The following SLC24A2 variants were observed in gnomAD, a reference collection of about 807,000 sequenced individuals.
SLC24A2 encodes the protein sodium/potassium/calcium exchanger 2.
Under a neutral mutation model 62.0 loss-of-function variants are expected in SLC24A2, and 36 were observed. That is an observed-to-expected ratio of 0.58 (90% CI 0.44 to 0.77). The LOEUF (loss-of-function observed/expected upper bound fraction) is 0.77, where lower values mean the gene tolerates loss of function less well. SLC24A2 is among the 30% of genes least tolerant of loss of function. The probability of loss-of-function intolerance (pLI) is 0.00; values close to 1 mark genes in which losing one functional copy is unlikely to be tolerated. For synonymous variants in SLC24A2, 358 were observed against 294.0 expected (o/e 1.22, Z -2.23); for missense variants, 846 against 817.9 (o/e 1.03, Z -0.42).
chr9:19,741,787 T>C (rs949610027), intron 2 of SLC24A2, among the ~76,000 whole-genome samples: 1 of 152,330 alleles, frequency 6.6e-6, no homozygotes, highest in African/African-American at 2.4e-5. Context: ...TTGTTGATTA[T>C]TTTCTCTTAT....
At chr9:19,783,487 C>G (rs757277321) in intron 2 of SLC24A2, among the ~76,000 whole-genome samples, 2 of 152,108 alleles carry the variant, frequency 1.3e-5, no homozygotes, top group Non-Finnish European at 2.9e-5. Context: ...GAAAGGTAAG[C>G]TACACAGTCA....
At chr9:20,103,219 C>A in the SLC24A2 span, among the ~76,000 whole-genome samples, 11 of 152,204 alleles carry the variant, frequency 7.2e-5, no homozygotes, top group African/African-American at 2.7e-4. Flanking sequence ...TGGAGCCCAC[C>A]ACAGCTCAAG....
the SLC24A2 span, among the ~76,000 whole-genome samples, chr9:20,251,406 A>C: frequency 2.0e-3 from 310 of 152,304 alleles, 2 homozygotes; most frequent in African/African-American, 7.1e-3. Flanking sequence ...AGCTATGCTA[A>C]CACCAAGGAA....
At chr9:19,579,671 G>A (rs1015084802) in intron 5 of SLC24A2, among the ~76,000 whole-genome samples, 8 of 152,158 alleles carry the variant, frequency 5.3e-5, no homozygotes, top group African/African-American at 1.9e-4. Flanking sequence ...GCAACAAATA[G>A]GTCTGTGGAA....
chr9:19,544,711 A>G (rs1834461400), intron 8 of SLC24A2, among the ~76,000 whole-genome samples: 1 of 152,128 alleles, frequency 6.6e-6, no homozygotes, highest in African/African-American at 2.4e-5. Flanking sequence ...CTGGATATGA[A>G]ATTCTGGGTT....
intron 5 of SLC24A2, among the ~76,000 whole-genome samples, chr9:19,584,910 A>T (rs1015104119): frequency 6.6e-6 from 1 of 152,182 alleles, no homozygotes; most frequent in East Asian, 1.9e-4. Context: ...TCTGTAATAA[A>T]GTATTTTGTA....
chr9:20,297,423 A>C, the SLC24A2 span, among the ~76,000 whole-genome samples: 3 of 152,338 alleles, frequency 2.0e-5, no homozygotes, highest in South Asian at 4.1e-4. Flanking sequence ...TTTGAAGGCC[A>C]AGGGGATGGA....
the SLC24A2 span, among the ~76,000 whole-genome samples, chr9:20,189,301 A>G: frequency 6.6e-6 from 1 of 152,048 alleles, no homozygotes; most frequent in Non-Finnish European, 1.5e-5. Context: ...TTTCCAGAGA[A>G]CAACAATGAA....
At chr9:19,523,305 T>G (rs1833284335) in intron 9 of SLC24A2, among the ~76,000 whole-genome samples, 1 of 152,212 alleles carries the variant, frequency 6.6e-6, no homozygotes, top group Admixed American at 6.5e-5. Context: ...CCACTCCTAG[T>G]GCAAGTTAGA....
chr9:19,862,618 A>G, the SLC24A2 span, among the ~76,000 whole-genome samples: 1 of 152,108 alleles, frequency 6.6e-6, no homozygotes, highest in East Asian at 1.9e-4. Flanking sequence ...AATAAAAATA[A>G]TAATAACAAC....
the SLC24A2 span, among the ~76,000 whole-genome samples, chr9:20,247,423 A>T: frequency 6.6e-6 from 1 of 152,126 alleles, no homozygotes; most frequent in Non-Finnish European, 1.5e-5. Flanking sequence ...TGATGGCATT[A>T]GGAGGTAGGG....
At chr9:20,021,186 T>G in the SLC24A2 span, among the ~76,000 whole-genome samples, 1 of 152,144 alleles carries the variant, frequency 6.6e-6, no homozygotes, top group Non-Finnish European at 1.5e-5. Context: ...TTTTATTTTT[T>G]AAAGTTACAA....
At chr9:19,792,426 G>C (rs1464568115), upstream of SLC24A2, among the ~76,000 whole-genome samples, 1 of 151,778 alleles carries the variant, frequency 6.6e-6, no homozygotes, top group Non-Finnish European at 1.5e-5. Context: ...TGGGTGTGGT[G>C]GCTCACGCCT....
At chr9:20,035,789 T>A in the SLC24A2 span, among the ~76,000 whole-genome samples, 1 of 152,080 alleles carries the variant, frequency 6.6e-6, no homozygotes, top group African/African-American at 2.4e-5. Flanking sequence ...AATGGACATC[T>A]CTCTGAACCT....
the SLC24A2 span, among the ~76,000 whole-genome samples, chr9:20,170,250 G>T: frequency 6.6e-6 from 1 of 151,290 alleles, no homozygotes; most frequent in Non-Finnish European, 1.5e-5. Flanking sequence ...ATAAATGCTT[G>T]GTGCCACAAA....
chr9:19,905,808 C>T, the SLC24A2 span, among the ~76,000 whole-genome samples: 20 of 152,116 alleles, frequency 1.3e-4, no homozygotes, highest in African/African-American at 4.3e-4. Context: ...CACAGATTAA[C>T]AGGAGGAAAG....
At chr9:20,002,270 T>C in the SLC24A2 span, among the ~76,000 whole-genome samples, 3 of 152,134 alleles carry the variant, frequency 2.0e-5, no homozygotes, top group Admixed American at 1.3e-4. Flanking sequence ...GTACCAGTAG[T>C]TGAAAGGTGT....
intron 8 of SLC24A2, among the ~76,000 whole-genome samples, chr9:19,544,769 C>T (rs1357505381): frequency 1.3e-5 from 2 of 152,228 alleles, no homozygotes; most frequent in South Asian, 2.1e-4. Flanking sequence ...TCTCTTCTAG[C>T]TTGTAAGGTT....
At chr9:19,986,708 T>C in the SLC24A2 span, among the ~76,000 whole-genome samples, 41,286 of 151,960 alleles carry the variant, frequency 0.27, 5,979 homozygotes, top group South Asian at 0.4. Flanking sequence ...ACATATTGTA[T>C]GATTCCATTT....
Sources: gnomAD v4.1 joint callset for allele counts (sites outside exome capture counted in the v4.1 genomes callset) on GRCh38, gnomAD v4.1.1 for gene constraint, MANE v1.5 for transcripts, NCBI Gene and HGNC (gene_info 2026-07-23, HGNC 2026-07-21) for gene names.